ITGA1: variants seen among roughly 807,000 people sequenced by gnomAD.
ITGA1 encodes integrin alpha-1.
ITGA1 carries 85 observed loss-of-function variants against 145.9 expected under a neutral mutation model. The ratio of observed to expected loss-of-function variants is 0.58; its 90% CI spans 0.49 to 0.70. The LOEUF (loss-of-function observed/expected upper bound fraction) is 0.70. Ranked by LOEUF, ITGA1 falls within the 30% of genes least tolerant of loss-of-function variation. The pLI, the probability that ITGA1 is intolerant of heterozygous loss-of-function variation, is 0.00. For synonymous variants in ITGA1, 520 were observed against 495.3 expected (o/e 1.05, Z -0.66); for missense variants, 1,351 against 1,418.7 (o/e 0.95, Z 0.77).
intron 20 of ITGA1, 81 bp downstream of exon 20, chr5:52,927,745 A>G (rs898932283): frequency 3.3e-6 from 3 of 915,466 alleles, no homozygotes; most frequent in African/African-American, 3.3e-5. Flanking sequence ...AATCCTTCCA[A>G]TGGTAGTTTA....
rs759463731 is a variant in ITGA1, at chr5:52,849,374, G to T, written c.71G>T (p.Arg24Leu). Residue 24 changes from arginine to leucine, a missense_variant, in exon 2 of 29, where the codon CGC becomes CTC. Arg to Leu is a moderately radical substitution (Grantham distance 102). Transcript: ENST00000282588. ...ACCWLLTVVL[R>L]CCVSFNVDVK... is the part of the protein sequence containing the mutation. ...TGTTTTTCTCCTAAAGTTGTTCTAC[G>T]CTGCTGCGTATCATTCAATGTTGAT... 1.3e-5 allele frequency: 21 copies of T among 1,606,146 alleles called. No homozygotes were observed. The highest frequency in any genetic ancestry group is 1.3e-5 in the Non-Finnish European group (15 of 1,175,344).
chr5:52,796,574 A>G (rs1005123315), intron 1 of ITGA1, among the ~76,000 whole-genome samples: 2 of 152,038 alleles, frequency 1.3e-5, no homozygotes, highest in African/African-American at 2.4e-5. Context: ...TACCATTATT[A>G]AGTGAAATAC....
Position 52,828,739 on chromosome 5 carries a change from A to T in ITGA1, c.62-20626A>T, listed in dbSNP as rs181692758. Among the ~76,000 whole-genome samples, 42 of 152,312 alleles carry T rather than the reference A, an allele frequency of 2.8e-4. No individual in the cohort carries two copies. In the East Asian group the frequency reaches 6.9e-3, roughly 25 times the overall value. ...ACAAACATTAGTGGCTTAAAACAAT[A>T]TATTGTCTCACATTTCTGGAGGCCA... On this transcript the variant is annotated intron_variant, in intron 1 of 28. Coordinates refer to ENST00000282588, the MANE Select transcript of ITGA1 (RefSeq NM_181501.2).
At chr5:52,932,389 C>A in intron 22 of ITGA1, 1 of 307,730 alleles carries the variant, frequency 3.2e-6, no homozygotes, top group Non-Finnish European at 6.0e-6. Flanking sequence ...GTTAGTGATA[C>A]CGGATTGCAT....
intron 1 of ITGA1, among the ~76,000 whole-genome samples, chr5:52,840,951 A>G (rs974944413): frequency 2.6e-5 from 4 of 152,172 alleles, no homozygotes; most frequent in African/African-American, 9.6e-5. Flanking sequence ...ACACACACTC[A>G]CTTTGAAGTT....
At chr5:52,882,656 C>A (rs1353577054) in intron 7 of ITGA1, among the ~76,000 whole-genome samples, 3 of 152,104 alleles carry the variant, frequency 2.0e-5, no homozygotes, top group African/African-American at 7.2e-5. Context: ...ACACATAACT[C>A]AGTCTGTGGT....
At chr5:52,942,820 C>T (rs1279893338) in intron 26 of ITGA1, among the ~76,000 whole-genome samples, 1 of 151,826 alleles carries the variant, frequency 6.6e-6, no homozygotes, top group Non-Finnish European at 1.5e-5. Context: ...GGATTACAGG[C>T]GTGAGCCACC....
intron 1 of ITGA1, among the ~76,000 whole-genome samples, chr5:52,796,763 T>C (rs574211047): frequency 6.6e-6 from 1 of 152,080 alleles, no homozygotes; most frequent in African/African-American, 2.4e-5. Flanking sequence ...CCTTCCAGAG[T>C]TCAACAAAAA....
intron 23 of ITGA1, among the ~76,000 whole-genome samples, chr5:52,936,553 G>A (rs1242442431): frequency 6.6e-6 from 1 of 152,186 alleles, no homozygotes; most frequent in East Asian, 1.9e-4. Flanking sequence ...AAGCTGCACA[G>A]GGATGCCATA....
At chr5:52,951,545 T>G (rs1326022973) in intron 28 of ITGA1, among the ~76,000 whole-genome samples, 1 of 152,206 alleles carries the variant, frequency 6.6e-6, no homozygotes, top group Non-Finnish European at 1.5e-5. Context: ...CATTTTTTAT[T>G]TCCAAATGAT....
At chr5:52,864,185 G>T (rs1749649399) in intron 3 of ITGA1, among the ~76,000 whole-genome samples, 1 of 151,996 alleles carries the variant, frequency 6.6e-6, no homozygotes, top group Admixed American at 6.6e-5. Flanking sequence ...CATGCTTCAG[G>T]ACCCAACATT....
chr5:52,921,161 T>G (rs1268571728), intron 17 of ITGA1, among the ~76,000 whole-genome samples: 1 of 152,090 alleles, frequency 6.6e-6, no homozygotes, highest in East Asian at 1.9e-4. Flanking sequence ...TTTCTTAAAA[T>G]GTACATGAGA....
chr5:52,903,044 G>A (rs1231323189), intron 11 of ITGA1: 3 of 151,922 alleles, frequency 2.0e-5, no homozygotes, highest in African/African-American at 2.4e-5. Flanking sequence ...ACGCTAACTG[G>A]TAGTTACTGT....
intron 6 of ITGA1, among the ~76,000 whole-genome samples, chr5:52,867,600 C>CT (rs1418899359): frequency 1.3e-5 from 2 of 152,004 alleles, no homozygotes; most frequent in Non-Finnish European, 2.9e-5. Flanking sequence ...CATGGACCTC[C>CT]TTTTTTCCCT....
chr5:52,950,159 A>AAC (rs1452529848), intron 28 of ITGA1, among the ~76,000 whole-genome samples: 1 of 152,196 alleles, frequency 6.6e-6, no homozygotes, highest in Non-Finnish European at 1.5e-5. Context: ...TAGGTGGAGA[A>AAC]ACTTGTCCTG....
intron 28 of ITGA1, among the ~76,000 whole-genome samples, chr5:52,948,586 C>G (rs998783602): frequency 1.3e-5 from 2 of 152,128 alleles, no homozygotes; most frequent in Non-Finnish European, 2.9e-5. Flanking sequence ...AGCAAAGTTC[C>G]CCAAACAAAA....
At chr5:52,897,028 A>T (rs1168007216) in intron 9 of ITGA1, among the ~76,000 whole-genome samples, 1 of 151,982 alleles carries the variant, frequency 6.6e-6, no homozygotes, top group East Asian at 1.9e-4. Context: ...TGTGAATGAA[A>T]TTTTTTTCAG....
intron 14 of ITGA1, 100 bp downstream of exon 14, chr5:52,910,519 C>T (rs1750488631): frequency 7.7e-7 from 1 of 1,302,718 alleles, no homozygotes. Context: ...TTTCTTCCTC[C>T]TGACCTTATT....
intron 28 of ITGA1, 130 bp from the exon 29 acceptor site, chr5:52,952,277 T>A (rs193290540): frequency 4.1e-5 from 19 of 461,072 alleles, no homozygotes; most frequent in African/African-American, 3.7e-4. Flanking sequence ...TGAGAAAATA[T>A]TTCTTAATTA....
Sources: gnomAD v4.1 joint callset for allele counts (sites outside exome capture counted in the v4.1 genomes callset) on GRCh38, gnomAD v4.1.1 for gene constraint, MANE v1.5 for transcripts, NCBI Gene and HGNC (gene_info 2026-07-23, HGNC 2026-07-21) for gene names.